Variants in ADCY6 observed in about 807,000 individuals in gnomAD.
ADCY6 encodes the protein adenylate cyclase 6.
A neutral mutation model predicts 111.6 loss-of-function variants in ADCY6; 59 were observed. The ratio of observed to expected loss-of-function variants is 0.53; its 90% CI spans 0.43 to 0.66. The LOEUF (loss-of-function observed/expected upper bound fraction) is 0.66. ADCY6 is among the 30% of genes least tolerant of loss of function. ADCY6 has a pLI of 0.00. For missense variants in ADCY6, 1,242 were observed against 1,595.6 expected (o/e 0.78, Z 3.78); for synonymous variants, 576 against 642.9 (o/e 0.90, Z 1.57).
At chr12:48,787,183 C>T (rs1941993032) in intron 1 of ADCY6, among the ~76,000 whole-genome samples, 1 of 152,168 alleles carries the variant, frequency 6.6e-6, no homozygotes, top group African/African-American at 2.4e-5. Flanking sequence ...CCATCCACCA[C>T]CCACAACATT....
At position 48,773,876 on chromosome 12, in the gene ADCY6, G is replaced by A. The variant is rs1941621241; in HGVS notation, c.2442+64C>T. On this transcript the variant is annotated intron_variant, in intron 15 of 21. Coordinates refer to ENST00000357869, the MANE Select transcript of ADCY6 (RefSeq NM_015270.5). ...GTCCCCAGCGCCCATCACCAGGCCTGGCACAGAAGGGCCAATGTCTGTGCC... is the reference window on the plus strand; with the variant it reads ...GTCCCCAGCGCCCATCACCAGGCCTAGCACAGAAGGGCCAATGTCTGTGCC... The A allele has an allele frequency of 3.2e-6, 5 of 1,584,826 alleles. No individual in the cohort carries two copies. In the Admixed American group the frequency reaches 8.8e-5, roughly 28 times the overall value.
Position 48,773,664 on chromosome 12 carries a change from G to A in ADCY6, c.2443-17C>T. On this transcript the variant is annotated splice_polypyrimidine_tract_variant and intron_variant, in intron 15 of 21. Transcript: ENST00000357869. ...GATGAAGTACTGCGGGGGTGGCAGAGGCAGCGTTGGGTGAAGGCAGAGGCC... is the reference window on the plus strand; with the variant it reads ...GATGAAGTACTGCGGGGGTGGCAGAAGCAGCGTTGGGTGAAGGCAGAGGCC... 6.2e-7 allele frequency: 1 copy of A among 1,613,828 alleles called. No individual in the cohort carries two copies. The highest frequency in any genetic ancestry group is 2.2e-5 in the East Asian group (1 of 44,888).
Position 48,783,249 on chromosome 12 carries a change from C to A in ADCY6, c.186G>T (p.Arg62=), listed in dbSNP as rs375113808. The part of the protein sequence containing the change: ...PPSPTPAGPP[R]CPWQDDAFIR... ...TGAAGGCGTCATCCTGCCAGGGGCA[C>A]CGAGGGGGGCCCGCAGGGGTGGGGC... Residue 62 remains arginine, a synonymous_variant, in exon 2 of 22, where the codon CGG becomes CGT. Transcript: ENST00000357869. 3.4e-4 allele frequency: 541 copies of A among 1,609,908 alleles called. No homozygotes were observed. Among genetic ancestry groups the A allele is most frequent in the Non-Finnish European group, 4.2e-4 (494 of 1,179,280 alleles).
intron 1 of ADCY6, among the ~76,000 whole-genome samples, chr12:48,786,250 G>T (rs1346675199): frequency 6.6e-6 from 1 of 152,234 alleles, no homozygotes; most frequent in Admixed American, 6.5e-5. Flanking sequence ...ACACGCAGAA[G>T]GCAGGCTGGG....
chr12:48,770,668 C>T, intron 20 of ADCY6, 98 bp downstream of exon 20: 1 of 1,251,024 alleles, frequency 8.0e-7, no homozygotes, highest in East Asian at 2.3e-5. Context: ...CCCACAGGAG[C>T]CCTGATGGGA....
intron 2 of ADCY6, 50 bp from the exon 3 acceptor site, chr12:48,778,307 C>G (rs758721615): frequency 5.0e-6 from 8 of 1,610,758 alleles, no homozygotes; most frequent in African/African-American, 1.3e-5. Flanking sequence ...TGCCTGCCCC[C>G]CTAAACACAC....
At chr12:48,769,171 G>C in intron 20 of ADCY6, 110 bp from the exon 21 acceptor site, 2 of 1,203,962 alleles carry the variant, frequency 1.7e-6, no homozygotes, top group Non-Finnish European at 2.2e-6. Flanking sequence ...ATGGAAAAAG[G>C]ACAAGTCTCC....
chr12:48,780,906 A>G (rs1941825626), intron 2 of ADCY6, among the ~76,000 whole-genome samples: 1 of 152,142 alleles, frequency 6.6e-6, no homozygotes, highest in South Asian at 2.1e-4. Flanking sequence ...ACGTTCTGGC[A>G]TTCTGGCATT....
At chr12:48,773,443 A>G in intron 16 of ADCY6, 26 bp downstream of exon 16, 2 of 1,609,402 alleles carry the variant, frequency 1.2e-6, no homozygotes, top group Non-Finnish European at 1.7e-6. Context: ...CTCCTGGGGT[A>G]TTAAAGGACC....
rs183806542 is a variant in ADCY6 at position 48,778,023 on chromosome 12, G to T, written c.1014+85C>A. 1.4e-3 allele frequency: 2,155 copies of T among 1,510,188 alleles called. 62 individuals are homozygous for T. In the Admixed American group the frequency reaches 0.036, roughly 26 times the overall value. 93.5% of individuals were successfully genotyped at this position (1,510,188 alleles called of 1,614,324 possible). On this transcript the variant is annotated intron_variant, in intron 3 of 21. Transcript: ENST00000357869. Reference sequence around the variant, plus strand: ...GGGGAACCATCACACTGTGCTGCACGGAACTGGACAAGGCAGCAGATCCAA... The same window carrying T: ...GGGGAACCATCACACTGTGCTGCACTGAACTGGACAAGGCAGCAGATCCAA...
chr12:48,789,738 C>G (rs1459517619), upstream of ADCY6: 1 of 152,118 alleles, frequency 6.6e-6, no homozygotes, highest in African/African-American at 2.4e-5. Context: ...CTCTTCCCCC[C>G]AGTCTCTGGG....
In ADCY6 at chr12:48,773,717, G is replaced by C. The variant is rs758941104; in HGVS notation, c.2443-70C>G. On this transcript the variant is annotated intron_variant, in intron 15 of 21. Transcript: ENST00000357869. ...AGCACCCTTGGGCAGGGAGAGCCCT[G>C]CACTCTCCTGCCTGACCTAACCTTC... 2.1e-4 allele frequency: 334 copies of C among 1,583,272 alleles called. 2 individuals are homozygous for C. The highest frequency in any genetic ancestry group is 4.1e-4 in the Admixed American group (24 of 59,076).
At position 48,787,152 on chromosome 12, in the gene ADCY6, G is replaced by C. The variant is rs150205726; in HGVS notation, c.-5+1754C>G. On this transcript the variant is annotated intron_variant, in intron 1 of 21. Transcript: ENST00000357869. Reference sequence around the variant, plus strand: ...CCAGAGCTGCTGGAGACAGAGCCCAGAGTGAGCAGGTTTCCCACCACCATC... The same window carrying C: ...CCAGAGCTGCTGGAGACAGAGCCCACAGTGAGCAGGTTTCCCACCACCATC... Among the ~76,000 whole-genome samples, 1,062 of 152,248 alleles carry C rather than the reference G, an allele frequency of 7.0e-3. 12 individuals carry two copies. The highest frequency in any genetic ancestry group is 0.024 in the African/African-American group (988 of 41,538).
At chr12:48,773,847 C>T in intron 15 of ADCY6, 93 bp downstream of exon 15, 1 of 1,527,370 alleles carries the variant, frequency 6.5e-7, no homozygotes, top group South Asian at 1.2e-5. Flanking sequence ...TGGTGAGTTC[C>T]TGGGTCCCCA....
rs1244604649 is a variant in ADCY6, at chr12:48,773,525, C to T, written c.2565G>A (p.Leu855=). Residue 855 remains leucine, a synonymous_variant, in exon 16 of 22, where the codon CTG becomes CTA. Transcript: ENST00000357869. ...TGTCAAAGATGGTGGCTGGGGGACC[C>T]AGCAGAAGCAGCACCAAATAGATGA... ...LGLIYLVLLL[L]GPPATIFDNY... 2.5e-6 allele frequency: 4 copies of T among 1,614,084 alleles called. No individual in the cohort carries two copies. The highest frequency in any genetic ancestry group is 3.3e-5 in the Admixed American group (2 of 60,016).
At chr12:48,775,495 A>G (rs1941672475) in intron 10 of ADCY6, 45 bp from the exon 11 acceptor site, 1 of 1,610,442 alleles carries the variant, frequency 6.2e-7, no homozygotes, top group African/African-American at 1.3e-5. Flanking sequence ...GGGCATGGCC[A>G]TGTGAGAAAC....
rs1857635906 is a variant in ADCY6 at position 48,777,281 on chromosome 12, C to A, written c.1249-50G>T. ...AGGGTAACCTTTACTCTCTTGCCCA[C>A]CCAGCCTGCATGGCCCACCACCCTC... is the stretch of plus-strand genomic sequence containing the variant. On this transcript the variant is annotated intron_variant, in intron 5 of 21. Transcript: ENST00000357869. This position sits in a 1 kb window ranked among gnomAD's most constrained non-coding sequence, Gnocchi z 4.9. 6.3e-7 allele frequency: 1 copy of A among 1,595,952 alleles called. No homozygotes were observed. The highest frequency in any genetic ancestry group is 8.5e-7 in the Non-Finnish European group (1 of 1,170,704).
At chr12:48,768,797 G>A (rs756033933) in intron 21 of ADCY6, 81 bp from the exon 22 acceptor site, 35 of 1,569,950 alleles carry the variant, frequency 2.2e-5, no homozygotes, top group Non-Finnish European at 3.0e-5. Context: ...CTCTAGTCAG[G>A]CTAGCTCCCT....
intron 20 of ADCY6, among the ~76,000 whole-genome samples, chr12:48,769,670 T>C (rs2137327801): frequency 6.7e-6 from 1 of 149,506 alleles, no homozygotes; most frequent in African/African-American, 2.5e-5. Flanking sequence ...CACTGCAACC[T>C]CTGCCTCCCA....
Sources: gnomAD v4.1 joint callset for allele counts (sites outside exome capture counted in the v4.1 genomes callset) on GRCh38, gnomAD v4.1.1 for gene constraint, Gnocchi (gnomAD v3.1) non-coding constraint, MANE v1.5 for transcripts, NCBI Gene and HGNC (gene_info 2026-07-23, HGNC 2026-07-21) for gene names.